Variants in ZC4H2 observed in about 807,000 individuals in gnomAD.
The protein encoded by ZC4H2 is zinc finger C4H2-type containing.
For missense variants in ZC4H2, 137 were observed against 173.9 expected, an observed-to-expected ratio of 0.79 and a Z score of 1.19; for synonymous variants, 84 against 66.3, an observed-to-expected ratio of 1.27 and a Z score of -1.30.
At chrX:64,940,258 T>C (rs1930210995) in intron 1 of ZC4H2, among the ~76,000 whole-genome samples, 2 of 111,842 alleles carry the variant, frequency 1.8e-5, no homozygotes, top group Admixed American at 1.9e-4. Context: ...ATGGGGTTGG[T>C]TTTTTCTAGT....
At chrX:65,023,392 T>C (rs931332103) in intron 1 of ZC4H2, among the ~76,000 whole-genome samples, 1 of 111,776 alleles carries the variant, frequency 8.9e-6, no homozygotes, top group Non-Finnish European at 1.9e-5. Flanking sequence ...TCCAATACTA[T>C]GTTAAATAGG....
At chrX:65,006,380 T>TA (rs1196090403) in intron 1 of ZC4H2, among the ~76,000 whole-genome samples, 2 of 110,879 alleles carry the variant, frequency 1.8e-5, no homozygotes, top group African/African-American at 3.3e-5. Flanking sequence ...TATGCAGCAA[T>TA]AAAAAAGGAT....
At chrX:64,964,980 A>T (rs780916065) in intron 1 of ZC4H2, among the ~76,000 whole-genome samples, 1 of 112,158 alleles carries the variant, frequency 8.9e-6, no homozygotes, top group Admixed American at 9.5e-5. Context: ...TGAAATAATA[A>T]AACAGCATTA....
Position 64,970,584 on chromosome X carries a change from G to A in ZC4H2, c.53+5741C>T, listed in dbSNP as rs137903208. On this transcript the variant is annotated intron_variant, in intron 1 of 4. Coordinates refer to ENST00000374839, the MANE Select transcript of ZC4H2 (RefSeq NM_018684.4). The stretch of plus-strand genomic sequence containing the variant: ...AATTCAAAATTCCATCATTAGATGG[G>A]ATAACTTGAGTGCTATAATAAATCT... Among the ~76,000 whole-genome samples, 651 of 111,685 alleles carry A rather than the reference G, an allele frequency of 5.8e-3. 1 individual carries two copies. Among genetic ancestry groups the A allele is most frequent in the Non-Finnish European group, 8.6e-3 (454 of 53,039 alleles).
intron 1 of ZC4H2, among the ~76,000 whole-genome samples, chrX:65,023,624 T>A (rs1769383314): frequency 9.0e-6 from 1 of 111,634 alleles, no homozygotes; most frequent in Admixed American, 9.5e-5. Context: ...CTGGTGAGGA[T>A]CTGGAGAAAT....
chrX:65,031,107 T>A (rs1329459780), intron 1 of ZC4H2, among the ~76,000 whole-genome samples: 1 of 111,321 alleles, frequency 9.0e-6, no homozygotes, highest in Non-Finnish European at 1.9e-5. Flanking sequence ...TCATGAAAAA[T>A]TTTCTTTAAC....
In ZC4H2 at chrX:64,941,109, C is replaced by T. The variant is rs184326310; in HGVS notation, c.54-19121G>A. 3.8e-3 allele frequency among the ~76,000 whole-genome samples: 425 copies of T among 111,761 alleles called. 1 individual carries two copies. Among genetic ancestry groups the T allele is most frequent in the African/African-American group, 0.012 (380 of 30,764 alleles). On this transcript the variant is annotated intron_variant, in intron 1 of 4. Transcript: ENST00000374839. ...TAGTTCTCCTTGAAGCAGTCCTTCA[C>T]ATCCTTTGTAAGTTGTATTCCTAGG...
intron 1 of ZC4H2, among the ~76,000 whole-genome samples, chrX:65,012,333 T>C (rs1414347964): frequency 9.1e-6 from 1 of 110,375 alleles, no homozygotes; most frequent in African/African-American, 3.3e-5. Flanking sequence ...TCACATGCTT[T>C]AAAAAAATAA....
intron 1 of ZC4H2, among the ~76,000 whole-genome samples, chrX:64,983,189 G>C (rs1191077796): frequency 9.0e-6 from 1 of 111,660 alleles, no homozygotes; most frequent in Non-Finnish European, 1.9e-5. Context: ...TGACTCAAGG[G>C]CAAATAACTT....
intron 1 of ZC4H2, among the ~76,000 whole-genome samples, chrX:64,941,951 G>A (rs1231321997): frequency 4.5e-5 from 5 of 112,100 alleles, no homozygotes; most frequent in South Asian, 3.7e-4. Flanking sequence ...GTTTGGAATA[G>A]TTTCAGAAGA....
intron 1 of ZC4H2, among the ~76,000 whole-genome samples, chrX:65,004,815 T>C (rs754007457): frequency 1.1e-4 from 12 of 111,982 alleles, no homozygotes; most frequent in African/African-American, 2.3e-4. Flanking sequence ...ATGACATGAT[T>C]GTATATTTAG....
At chrX:65,014,426 C>T (rs1251506398) in intron 1 of ZC4H2, among the ~76,000 whole-genome samples, 2 of 111,753 alleles carry the variant, frequency 1.8e-5, no homozygotes, top group African/African-American at 6.5e-5. Context: ...ATTCCAAGAA[C>T]AGCACAGTCA....
At chrX:65,000,123 C>A (rs896688427) in intron 1 of ZC4H2, among the ~76,000 whole-genome samples, 3 of 112,215 alleles carry the variant, frequency 2.7e-5, no homozygotes, top group African/African-American at 6.5e-5. Context: ...AAAGTGGGTC[C>A]CTAACCTGCA....
At chrX:64,970,578 A>T (rs1486908468) in intron 1 of ZC4H2, among the ~76,000 whole-genome samples, 1 of 111,710 alleles carries the variant, frequency 9.0e-6, no homozygotes, top group Admixed American at 9.5e-5. Context: ...TTCCATCATT[A>T]GATGGGATAA....
At chrX:65,000,639 A>G (rs1932517298) in intron 1 of ZC4H2, among the ~76,000 whole-genome samples, 1 of 112,093 alleles carries the variant, frequency 8.9e-6, no homozygotes, top group Admixed American at 9.5e-5. Flanking sequence ...AAATTCCTCC[A>G]AGCTAAAGGA....
At chrX:64,934,248 TATTCTCC>T (rs1929887622) in intron 1 of ZC4H2, among the ~76,000 whole-genome samples, 1 of 112,626 alleles carries the variant, frequency 8.9e-6, no homozygotes, top group Non-Finnish European at 1.9e-5. Context: ...ACATGTGGAA[TATTCTCC>T]AAAATTTTTA....
upstream of ZC4H2, chrX:64,976,526 G>A (rs915974208): frequency 1.8e-5 from 10 of 569,916 alleles, no homozygotes; most frequent in Non-Finnish European, 2.6e-5. Flanking sequence ...GTAGTCCGGA[G>A]CTTCAGGGCC....
At chrX:64,933,562 C>T (rs1390719558) in intron 1 of ZC4H2, among the ~76,000 whole-genome samples, 5 of 110,407 alleles carry the variant, frequency 4.5e-5, no homozygotes, top group Admixed American at 9.6e-5. Flanking sequence ...AAGGATCATA[C>T]GCCAATGTTT....
intron 1 of ZC4H2, among the ~76,000 whole-genome samples, chrX:65,018,068 A>G (rs1454259725): frequency 3.6e-5 from 4 of 112,369 alleles, no homozygotes; most frequent in African/African-American, 1.3e-4. Context: ...TTCACAAACT[A>G]TGCATCTGAC....
Sources: allele counts gnomAD v4.1 joint callset (sites outside exome capture counted in the v4.1 genomes callset), GRCh38; gene constraint gnomAD v4.1.1; transcripts MANE v1.5; gene names NCBI Gene and HGNC (gene_info 2026-07-23, HGNC 2026-07-21).